The following GRM1 variants were observed in gnomAD, a reference collection of about 807,000 sequenced individuals.
GRM1 encodes metabotropic glutamate receptor 1.
A neutral mutation model predicts 90.9 loss-of-function variants in GRM1; 33 were observed. The observed-to-expected ratio is 0.36, with a 90% CI of 0.28 to 0.49. The LOEUF (loss-of-function observed/expected upper bound fraction) is 0.49. Among genes scored for constraint, GRM1 ranks in the 20% least tolerant of loss-of-function variants. The pLI is 0.99. For synonymous variants in GRM1, 700 were observed against 613.2 expected, an observed-to-expected ratio of 1.14 and a Z score of -2.09; for missense variants, 1,190 against 1,534.3, an observed-to-expected ratio of 0.78 and a Z score of 3.75.
intron 2 of GRM1, among the ~76,000 whole-genome samples, chr6:146,197,825 A>G (rs1042720435): frequency 2.0e-5 from 3 of 152,204 alleles, no homozygotes. Context: ...AAGCTCATAG[A>G]AGCAGAGAAT....
chr6:146,322,368 G>C (rs962364886), intron 3 of GRM1, among the ~76,000 whole-genome samples: 1 of 152,120 alleles, frequency 6.6e-6, no homozygotes, highest in African/African-American at 2.4e-5. Context: ...GGAGGCATGG[G>C]GGTCCGGGAC....
At chr6:146,181,900 T>A (rs953215532) in intron 2 of GRM1, among the ~76,000 whole-genome samples, 2 of 152,040 alleles carry the variant, frequency 1.3e-5, no homozygotes, top group Non-Finnish European at 2.9e-5. Context: ...ATATAGTTAA[T>A]AAGAGCATAC....
chr6:146,057,218 A>G (rs1258930939), intron 1 of GRM1, among the ~76,000 whole-genome samples: 1 of 152,128 alleles, frequency 6.6e-6, no homozygotes, highest in African/African-American at 2.4e-5. Flanking sequence ...CTGTGACACA[A>G]TTCCTTGGAG....
chr6:146,100,293 C>T (rs542434498), intron 1 of GRM1, among the ~76,000 whole-genome samples: 10 of 152,108 alleles, frequency 6.6e-5, no homozygotes, highest in Admixed American at 3.9e-4. Flanking sequence ...ATATGATAAG[C>T]AGATGTTCTT....
At chr6:146,319,085 T>A (rs1195402831) in intron 3 of GRM1, among the ~76,000 whole-genome samples, 1 of 152,238 alleles carries the variant, frequency 6.6e-6, no homozygotes, top group Non-Finnish European at 1.5e-5. Flanking sequence ...GTGTCCTGAA[T>A]GGTATTGCCT....
chr6:146,134,771 A>C (rs1010702456), intron 1 of GRM1, among the ~76,000 whole-genome samples: 12 of 152,172 alleles, frequency 7.9e-5, no homozygotes, highest in African/African-American at 1.4e-4. Flanking sequence ...TCTACTAAAA[A>C]TACAAAAAAT....
chr6:146,261,930 G>A (rs944586311), intron 2 of GRM1, among the ~76,000 whole-genome samples: 2 of 152,056 alleles, frequency 1.3e-5, no homozygotes, highest in African/African-American at 4.8e-5. Context: ...CAGAAGCAAT[G>A]ATTTGAAGCA....
chr6:146,150,917 AACACACACACGCGTGTGCGCGCACAC>A (rs1777299774), intron 1 of GRM1, among the ~76,000 whole-genome samples: 1 of 130,460 alleles, frequency 7.7e-6, no homozygotes, highest in African/African-American at 3.1e-5. Flanking sequence ...TTCCTGTATA[AACACACACACGCGTGTGCGCGCACAC>A]ACACACACAC....
chr6:146,156,721 C>T (rs1318345001), intron 1 of GRM1, among the ~76,000 whole-genome samples: 3 of 152,114 alleles, frequency 2.0e-5, no homozygotes, highest in Non-Finnish European at 4.4e-5. Context: ...TTTTAAATAA[C>T]CTGACCTAAG....
At chr6:146,130,161 C>T (rs1236187905) in intron 1 of GRM1, among the ~76,000 whole-genome samples, 2 of 152,086 alleles carry the variant, frequency 1.3e-5, no homozygotes, top group East Asian at 3.9e-4. Flanking sequence ...GATCCTGATA[C>T]TTCACTAAAA....
At chr6:146,066,100 T>C (rs1220767482) in intron 1 of GRM1, among the ~76,000 whole-genome samples, 1 of 152,212 alleles carries the variant, frequency 6.6e-6, no homozygotes, top group Non-Finnish European at 1.5e-5. Flanking sequence ...GGGGTACATG[T>C]GCAGATTTCT....
intron 3 of GRM1, among the ~76,000 whole-genome samples, chr6:146,345,050 A>T (rs1054347003): frequency 2.6e-5 from 4 of 152,260 alleles, no homozygotes; most frequent in African/African-American, 7.2e-5. Context: ...ATCTCAGGTG[A>T]TCCACCCTCC....
intron 5 of GRM1, among the ~76,000 whole-genome samples, chr6:146,360,083 T>C (rs1202698896): frequency 6.6e-6 from 1 of 152,200 alleles, no homozygotes; most frequent in Admixed American, 6.5e-5. Flanking sequence ...GCCAGATCAG[T>C]AGCCACTGTC....
chr6:146,134,597 A>T (rs1007325267), intron 1 of GRM1, among the ~76,000 whole-genome samples: 1 of 152,170 alleles, frequency 6.6e-6, no homozygotes, highest in Non-Finnish European at 1.5e-5. Flanking sequence ...AAAGCCCCTT[A>T]TAAAACCGTC....
At chr6:146,346,154 A>T (rs1446717933) in intron 3 of GRM1, among the ~76,000 whole-genome samples, 2 of 152,186 alleles carry the variant, frequency 1.3e-5, no homozygotes, top group African/African-American at 4.8e-5. Context: ...AGCTAAATGC[A>T]ATTGTATTTT....
At chr6:146,150,752 A>T (rs1777294938) in intron 1 of GRM1, among the ~76,000 whole-genome samples, 2 of 152,004 alleles carry the variant, frequency 1.3e-5, no homozygotes, top group Non-Finnish European at 2.9e-5. Context: ...CTTCTACTCT[A>T]TCTCCATGAG....
chr6:146,067,707 A>T (rs551288918), intron 1 of GRM1, among the ~76,000 whole-genome samples: 2 of 152,138 alleles, frequency 1.3e-5, no homozygotes, highest in Non-Finnish European at 2.9e-5. Flanking sequence ...CTTATTTTTT[A>T]AAAAAGCCTT....
chr6:146,284,847 A>C (rs971544972), intron 2 of GRM1, among the ~76,000 whole-genome samples: 1 of 152,194 alleles, frequency 6.6e-6, no homozygotes, highest in Non-Finnish European at 1.5e-5. Context: ...TAGTGTCTTT[A>C]TAGGAGTGTA....
intron 2 of GRM1, among the ~76,000 whole-genome samples, chr6:146,229,117 A>ATT (rs1307572643): frequency 1.3e-5 from 2 of 151,926 alleles, no homozygotes; most frequent in Non-Finnish European, 2.9e-5. Flanking sequence ...AATTGTATTT[A>ATT]TTTTTAATTT....
Sources: gnomAD v4.1 joint callset for allele counts (sites outside exome capture counted in the v4.1 genomes callset) on GRCh38, gnomAD v4.1.1 for gene constraint, MANE v1.5 for transcripts, NCBI Gene and HGNC (gene_info 2026-07-23, HGNC 2026-07-21) for gene names.